Variants in MYH9 observed in about 807,000 individuals in gnomAD.
MYH9 encodes the protein myosin-9.
MYH9 carries 29 observed loss-of-function variants against 241.9 expected under a neutral mutation model. The observed-to-expected ratio is 0.12, with a 90% CI of 0.09 to 0.16. The LOEUF (loss-of-function observed/expected upper bound fraction) is 0.16. Among genes scored for constraint, MYH9 ranks in the 10% least tolerant of loss-of-function variants. MYH9 has a pLI of 1.00. For synonymous variants in MYH9, 1,047 were observed against 1,062.6 expected, an observed-to-expected ratio of 0.99 and a Z score of 0.29; for missense variants, 1,803 against 2,595.5, an observed-to-expected ratio of 0.69 and a Z score of 6.63.
chr22:36,337,164 C>A (rs577596583), intron 3 of MYH9, among the ~76,000 whole-genome samples: 10 of 152,290 alleles, frequency 6.6e-5, no homozygotes, highest in Non-Finnish European at 1.5e-5. Flanking sequence ...TCTTGCCCCC[C>A]ACGGAAACTT....
rs7290328 is a variant in MYH9 at position 36,316,968 on chromosome 22, T to C, written c.1228-299A>G. 8.4e-3 allele frequency among the ~76,000 whole-genome samples: 1,223 copies of C among 144,842 alleles called. 13 individuals are homozygous for C. The highest frequency in any genetic ancestry group is 0.013 in the Admixed American group (187 of 14,420). On this transcript the variant is annotated intron_variant, in intron 11 of 40. Transcript: ENST00000216181. Reference sequence around the variant, plus strand: ...AAAGTGATGCTTCAAAATAAGGCAGTGGTCTACGGCCGTACCACCCTAAAT... The same window carrying C: ...AAAGTGATGCTTCAAAATAAGGCAGCGGTCTACGGCCGTACCACCCTAAAT...
chr22:36,306,197 G>T lies in MYH9; in HGVS notation c.2038-146C>A. On this transcript the variant is annotated intron_variant, in intron 16 of 40. Transcript: ENST00000216181. The surrounding 1 kb of genome is among the most constrained non-coding windows in gnomAD (Gnocchi z 4.1). ...ACAGGTTTGGACAATGAAGTCAAAG[G>T]ATCCAGGTCTGGGAGGGGCCAATGC... The T allele has an allele frequency of 7.0e-7, 1 of 1,419,518 alleles. No individual in the cohort carries two copies. Among genetic ancestry groups the T allele is most frequent in the Non-Finnish European group, 9.7e-7 (1 of 1,027,898 alleles). The allele number at this position is 1,419,518 out of a possible 1,614,324, so 87.9% of individuals were successfully genotyped here. A position where few individuals can be genotyped will look rare whatever the true frequency, so the allele number is the denominator to read the frequency against.
chr22:36,373,778 G>A (rs1883275), intron 1 of MYH9, among the ~76,000 whole-genome samples: 150,392 of 152,326 alleles, frequency 0.99, 74,248 homozygotes, highest in East Asian at 1. Flanking sequence ...AATAAAACTC[G>A]TGGAACTTTC....
intron 3 of MYH9, among the ~76,000 whole-genome samples, chr22:36,333,783 G>A (rs1275216137): frequency 6.6e-6 from 1 of 152,230 alleles, no homozygotes; most frequent in Non-Finnish European, 1.5e-5. Context: ...CTGGGACACA[G>A]TTCAACTGAA....
chr22:36,380,938 A>G (rs2018247206), intron 1 of MYH9, among the ~76,000 whole-genome samples: 1 of 152,122 alleles, frequency 6.6e-6, no homozygotes, highest in African/African-American at 2.4e-5. Context: ...CATACAGCAA[A>G]GAAAAATCAA....
intron 3 of MYH9, among the ~76,000 whole-genome samples, chr22:36,338,846 C>T (rs1289721291): frequency 6.6e-6 from 1 of 151,752 alleles, no homozygotes; most frequent in African/African-American, 2.4e-5. Context: ...AAAAAGAAAT[C>T]GCCCACCTAC....
intron 1 of MYH9, among the ~76,000 whole-genome samples, chr22:36,352,002 A>G (rs910098912): frequency 3.9e-5 from 6 of 152,130 alleles, no homozygotes; most frequent in African/African-American, 1.2e-4. Flanking sequence ...TCCCCAATTC[A>G]TAAACTAGGA....
chr22:36,367,056 G>A (rs1348857227), intron 1 of MYH9, among the ~76,000 whole-genome samples: 1 of 152,220 alleles, frequency 6.6e-6, no homozygotes, highest in East Asian at 1.9e-4. Context: ...GGGGCTCGCA[G>A]AGACTCTGCA....
At chr22:36,342,507 G>A (rs770139670) in intron 2 of MYH9, among the ~76,000 whole-genome samples, 1 of 151,822 alleles carries the variant, frequency 6.6e-6, no homozygotes, top group South Asian at 2.1e-4. Flanking sequence ...TCATCTTCAG[G>A]TAAATACACC....
chr22:36,282,424 C>T lies in MYH9; in HGVS notation c.*244G>A, dbSNP rs1400896187. ...CTGCTGGTCGCTCTCTGCCTGGGCC[C>T]GGGCCCTGTCTCTTTGGTATCAGAT... On this transcript the variant is annotated 3_prime_UTR_variant, in exon 41 of 41. Transcript: ENST00000216181. 12 of 623,360 alleles carry T rather than the reference C, an allele frequency of 1.9e-5. No individual in the cohort carries two copies. Among genetic ancestry groups the T allele is most frequent in the South Asian group, 3.7e-5 (2 of 54,790 alleles). 38.6% of individuals were successfully genotyped at this position (623,360 alleles called of 1,614,324 possible). A position where few individuals can be genotyped will look rare whatever the true frequency, so the allele number is the denominator to read the frequency against.
At chr22:36,346,431 G>A (rs2017679451) in intron 2 of MYH9, among the ~76,000 whole-genome samples, 1 of 152,210 alleles carries the variant, frequency 6.6e-6, no homozygotes, top group African/African-American at 2.4e-5. Context: ...ATGTGCTTAA[G>A]TCTGTCTGAA....
chr22:36,363,215 G>T (rs981237527), intron 1 of MYH9, among the ~76,000 whole-genome samples: 5 of 152,076 alleles, frequency 3.3e-5, no homozygotes, highest in Admixed American at 1.3e-4. Context: ...TCCCCAACAG[G>T]CCCAGCGCAA....
At chr22:36,346,014 G>C (rs954125925) in intron 2 of MYH9, among the ~76,000 whole-genome samples, 1 of 152,168 alleles carries the variant, frequency 6.6e-6, no homozygotes, top group Non-Finnish European at 1.5e-5. Context: ...GGGCATGCTG[G>C]TGGGCACCTG....
rs1194938084 is a variant in MYH9 at position 36,285,440 on chromosome 22, A to C, written c.5275-111T>G. On this transcript the variant is annotated intron_variant, in intron 37 of 40. Transcript: ENST00000216181. This position sits in a 1 kb window ranked among gnomAD's most constrained non-coding sequence, Gnocchi z 7.0. The stretch of plus-strand genomic sequence containing the variant: ...ATCCCACCAAACCCTTGGGGTCCAG[A>C]GTCTTGGGTCTCCCAGAAAAGGGAA... 1.5e-6 allele frequency: 2 copies of C among 1,355,176 alleles called. No homozygotes were observed. The highest frequency in any genetic ancestry group is 2.9e-5 in the African/African-American group (2 of 69,746). 83.9% of individuals were successfully genotyped at this position (1,355,176 alleles called of 1,614,324 possible).
At chr22:36,317,760 G>A (rs770235960) in intron 11 of MYH9, among the ~76,000 whole-genome samples, 13 of 152,244 alleles carry the variant, frequency 8.5e-5, no homozygotes, top group Non-Finnish European at 1.2e-4. Flanking sequence ...GCTGCTGCTC[G>A]TCTCTCAGCA....
chr22:36,386,584 A>G (rs867654229), intron 1 of MYH9, among the ~76,000 whole-genome samples: 1 of 152,166 alleles, frequency 6.6e-6, no homozygotes, highest in Non-Finnish European at 1.5e-5. Flanking sequence ...AAAAGGGCGC[A>G]GTGAACCGAG....
At position 36,329,125 on chromosome 22, in the gene MYH9, C is replaced by G. The variant is rs1000762875; in HGVS notation, c.491-1637G>C. On this transcript the variant is annotated intron_variant, in intron 3 of 40. Coordinates refer to ENST00000216181, the MANE Select transcript of MYH9 (RefSeq NM_002473.6). This position sits in a 1 kb window ranked among gnomAD's most constrained non-coding sequence, Gnocchi z 4.1. ...CCCTGCCCTGGGCCGCAGCTTCCTC[C>G]CAGCCCCCTAAGCATCAACGGGGTG... is the stretch of plus-strand genomic sequence containing the variant. Among the ~76,000 whole-genome samples, 1 of 152,216 alleles carries G rather than the reference C, an allele frequency of 6.6e-6. No homozygotes were observed. Among genetic ancestry groups the G allele is most frequent in the East Asian group, 1.9e-4 (1 of 5,202 alleles).
chr22:36,303,249 T>C (rs1220235597), intron 19 of MYH9, among the ~76,000 whole-genome samples: 2 of 151,928 alleles, frequency 1.3e-5, no homozygotes, highest in African/African-American at 4.8e-5. Flanking sequence ...GAGTGTGCAG[T>C]GCCCACAGCC....
intron 11 of MYH9, among the ~76,000 whole-genome samples, chr22:36,317,016 G>A (rs2017164935): frequency 7.0e-6 from 1 of 142,546 alleles, no homozygotes; most frequent in South Asian, 2.3e-4. Flanking sequence ...ATCAAAATAA[G>A]GCAGCAGTCT....
Sources: allele counts gnomAD v4.1 joint callset (sites outside exome capture counted in the v4.1 genomes callset), GRCh38; gene constraint gnomAD v4.1.1; non-coding constraint Gnocchi (gnomAD v3.1); transcripts MANE v1.5; gene names NCBI Gene and HGNC (gene_info 2026-07-23, HGNC 2026-07-21).